The following FAM149A variants were observed in gnomAD, a reference collection of about 807,000 sequenced individuals.
FAM149A encodes protein FAM149A.
Under a neutral mutation model 78.2 loss-of-function variants are expected in FAM149A, and 71 were observed. The observed-to-expected ratio is 0.91, with a 90% confidence interval of 0.75 to 1.11. The LOEUF (loss-of-function observed/expected upper bound fraction) is 1.11. Ranked by LOEUF, FAM149A falls within the 50% of genes least tolerant of loss-of-function variation. The pLI is 0.00. For synonymous variants in FAM149A, 446 were observed against 410.5 expected (o/e 1.09, Z -1.04); for missense variants, 1,036 against 971.0 (o/e 1.07, Z -0.89).
At chr4:186,111,536 G>A (rs996338442) in intron 1 of FAM149A, among the ~76,000 whole-genome samples, 15 of 151,732 alleles carry the variant, frequency 9.9e-5, no homozygotes, top group African/African-American at 3.2e-4. Context: ...TAGGTCTAAC[G>A]TTTAAGTCTT....
chr4:186,136,810 A>G (rs1485189374), intron 1 of FAM149A, among the ~76,000 whole-genome samples: 2 of 152,206 alleles, frequency 1.3e-5, no homozygotes, highest in Non-Finnish European at 2.9e-5. Context: ...CAGGCTGCCC[A>G]CAGCCTAAGA....
chr4:186,174,084 C>CT lies in FAM149A; in HGVS notation c.*2112dup, dbSNP rs111448527. 0.1 allele frequency among the ~76,000 whole-genome samples: 9,556 copies of CT among 93,808 alleles called. 2,543 individuals carry two copies. The highest frequency in any genetic ancestry group is 0.3 in the African/African-American group (9,043 of 29,704). 61.5% of individuals were successfully genotyped at this position (93,808 alleles called of 152,430 possible). A position where few individuals can be genotyped will look rare whatever the true frequency, so the allele number is the denominator to read the frequency against. ...TCCTTCCCTATTCAGTCCAAACTTC[C>CT]TTTTTTTTTTTTTTTACTTGAAGTT... On this transcript the variant is annotated 3_prime_UTR_variant, in exon 14 of 14. Transcript: ENST00000389354.
chr4:186,122,653 A>C (rs2099316588), intron 1 of FAM149A: 1 of 157,724 alleles, frequency 6.3e-6, no homozygotes, highest in Admixed American at 6.5e-5. Context: ...CAACTCTTCC[A>C]TGTTTTTAAA....
chr4:186,115,426 C>T (rs1170431368), intron 1 of FAM149A, among the ~76,000 whole-genome samples: 2 of 148,370 alleles, frequency 1.3e-5, no homozygotes, highest in Admixed American at 1.4e-4. Flanking sequence ...AGCTTTGTTC[C>T]ATTGCTGGTG....
Position 186,153,678 on chromosome 4 carries a change from C to T in FAM149A, c.966C>T (p.Asp322=), listed in dbSNP as rs576988209. The change falls in exon 5 of 14, where the codon GAC becomes GAT. Residue 322 remains aspartate (D), a synonymous_variant. Transcript: ENST00000389354. ...GAAGACAGCTGATCCTGCCCACTGA[C>T]AAAGGCGTCCAGCATTTCCAGGGCA... is the stretch of plus-strand genomic sequence containing the variant. 44 of 1,614,128 alleles carry T rather than the reference C, an allele frequency of 2.7e-5. No homozygotes were observed. In the African/African-American group the frequency reaches 2.9e-4, roughly 11 times the overall value.
intron 13 of FAM149A, chr4:186,167,480 C>G (rs932201007): frequency 7.5e-6 from 4 of 530,486 alleles, no homozygotes; most frequent in Non-Finnish European, 1.0e-5. Context: ...GGGGAATGTC[C>G]AAAAGCTCTC....
intron 7 of FAM149A, among the ~76,000 whole-genome samples, chr4:186,157,111 T>C (rs1269895394): frequency 1.3e-5 from 2 of 152,158 alleles, no homozygotes; most frequent in Non-Finnish European, 2.9e-5. Context: ...ACATTATCTG[T>C]AATGTAAAAT....
intron 1 of FAM149A, among the ~76,000 whole-genome samples, chr4:186,147,930 T>C: frequency 6.6e-6 from 1 of 152,126 alleles, no homozygotes; most frequent in Admixed American, 6.5e-5. Context: ...ACAAAGAGAA[T>C]AAAAACAATC....
At chr4:186,138,779 C>A (rs1004422580) in intron 1 of FAM149A, among the ~76,000 whole-genome samples, 1 of 152,126 alleles carries the variant, frequency 6.6e-6, no homozygotes, top group Non-Finnish European at 1.5e-5. Context: ...TGCAAGGGTG[C>A]GTGTCAACAT....
intron 1 of FAM149A, among the ~76,000 whole-genome samples, chr4:186,135,935 G>A (rs933008452): frequency 6.6e-6 from 1 of 152,196 alleles, no homozygotes; most frequent in Non-Finnish European, 1.5e-5. Flanking sequence ...GCACATGTGC[G>A]GAGGGGCATG....
chr4:186,142,654 AG>A (rs1480327296), intron 1 of FAM149A, among the ~76,000 whole-genome samples: 1 of 152,134 alleles, frequency 6.6e-6, no homozygotes, highest in East Asian at 1.9e-4. Flanking sequence ...ACTTCACTGG[AG>A]GGACCACTCA....
rs544417706 is a variant in FAM149A, at chr4:186,155,036, G to C, written c.1229+398G>C. ...AGAGTGCAGCCGTGCGAGCTCGGCTGACTGCAAACTCCGCCTCCCGGGTTC... is the reference window on the plus strand; with the variant it reads ...AGAGTGCAGCCGTGCGAGCTCGGCTCACTGCAAACTCCGCCTCCCGGGTTC... On this transcript the variant is annotated intron_variant, in intron 6 of 13. Transcript: ENST00000389354. 300 of 670,606 alleles carry C rather than the reference G, an allele frequency of 4.5e-4. 1 individual carries two copies. The highest frequency in any genetic ancestry group is 1.8e-3 in the South Asian group (27 of 15,260). 41.5% of individuals were successfully genotyped at this position (670,606 alleles called of 1,614,324 possible). A position where few individuals can be genotyped will look rare whatever the true frequency, so the allele number is the denominator to read the frequency against.
chr4:186,105,013 C>A lies in FAM149A; in HGVS notation c.-64C>A, dbSNP rs368256839. On this transcript the variant is annotated 5_prime_UTR_variant, in exon 1 of 14. Coordinates refer to ENST00000389354, the MANE Select transcript of FAM149A (RefSeq NM_001367768.3). ...CTCCTCGCCCCGGCCCGGGCCGCCT[C>A]GGCCGGATCTCCGCGGTCTGAACTC... 45,936 of 1,245,544 alleles carry A rather than the reference C, an allele frequency of 0.037. 904 individuals are homozygous for A. Among genetic ancestry groups the A allele is most frequent in the Middle Eastern group, 0.049 (179 of 3,660 alleles). 77.2% of individuals were successfully genotyped at this position (1,245,544 alleles called of 1,614,324 possible).
At chr4:186,139,096 T>C (rs2099324720) in intron 1 of FAM149A, among the ~76,000 whole-genome samples, 1 of 152,190 alleles carries the variant, frequency 6.6e-6, no homozygotes, top group Admixed American at 6.5e-5. Context: ...ACATGATGTA[T>C]TTTGTTACTC....
At chr4:186,110,244 G>A (rs1205484582) in intron 1 of FAM149A, 1 of 985,356 alleles carries the variant, frequency 1.0e-6, no homozygotes, top group Non-Finnish European at 1.2e-6. Context: ...CAGTTTAAAT[G>A]TCTTTCTTGA....
intron 3 of FAM149A, chr4:186,151,165 G>A (rs1302636786): frequency 3.7e-5 from 21 of 565,794 alleles, no homozygotes; most frequent in African/African-American, 1.8e-4. Context: ...GACCTTTCAC[G>A]CACGCAGCTC....
At position 186,105,518 on chromosome 4, in the gene FAM149A, G is replaced by C. The variant is rs369391501; in HGVS notation, c.442G>C (p.Gly148Arg). 19 of 1,157,452 alleles carry C rather than the reference G, an allele frequency of 1.6e-5. No individual in the cohort carries two copies. In the East Asian group the frequency reaches 1.4e-3, roughly 85 times the overall value. 71.7% of individuals were successfully genotyped at this position (1,157,452 alleles called of 1,614,324 possible). A position where few individuals can be genotyped will look rare whatever the true frequency, so the allele number is the denominator to read the frequency against. The change falls in exon 1 of 14, where the codon GGC (glycine) becomes CGC (arginine). Residue 148 changes from glycine to arginine, a missense_variant. Around this residue, in one of 3 missense-constraint regions of FAM149A, gnomAD observed 316 missense variants for 241.9 expected, o/e 1.31. Coordinates refer to ENST00000389354, the MANE Select transcript of FAM149A (RefSeq NM_001367768.3). ...GCTCCCCAGGAACCCGCTCCAGCCT[G>C]GCCCCGGAGAGCGAGAGCTCGGCGC... is the stretch of plus-strand genomic sequence containing the variant.
chr4:186,127,795 C>T, intron 1 of FAM149A: 2 of 378,148 alleles, frequency 5.3e-6, no homozygotes, highest in Non-Finnish European at 3.6e-6. Flanking sequence ...AAGCAATTCT[C>T]CTGCCTCAGC....
At chr4:186,159,037 G>A (rs757150094) in intron 8 of FAM149A, among the ~76,000 whole-genome samples, 3 of 152,150 alleles carry the variant, frequency 2.0e-5, no homozygotes, top group Non-Finnish European at 4.4e-5. Flanking sequence ...TTAAAAAAAT[G>A]CTTTCCCCTA....
Sources: gnomAD v4.1 joint callset for allele counts (sites outside exome capture counted in the v4.1 genomes callset) on GRCh38, gnomAD v4.1.1 for gene constraint, gnomAD v4.1.1 regional missense constraint, MANE v1.5 for transcripts, NCBI Gene and HGNC (gene_info 2026-07-23, HGNC 2026-07-21) for gene names.